ATG2B: variants seen among roughly 807,000 people sequenced by gnomAD.
ATG2B encodes the protein autophagy related 2B.
A neutral mutation model predicts 241.3 loss-of-function variants in ATG2B; 121 were observed. The ratio of observed to expected loss-of-function variants is 0.50; its 90% CI spans 0.43 to 0.58. ATG2B has a LOEUF of 0.58. Ranked by LOEUF, ATG2B falls within the 20% of genes least tolerant of loss-of-function variation. ATG2B has a pLI of 0.00. For synonymous variants in ATG2B, 858 were observed against 876.6 expected (o/e 0.98, Z 0.37); for missense variants, 2,306 against 2,491.6 (o/e 0.93, Z 1.59).
At chr14:96,326,342 T>C (rs972374155) in intron 14 of ATG2B, among the ~76,000 whole-genome samples, 10 of 152,214 alleles carry the variant, frequency 6.6e-5, no homozygotes, top group African/African-American at 2.2e-4. Flanking sequence ...AAATACTCAA[T>C]GTGAAATCAG....
rs1367266436 is a variant in ATG2B, at chr14:96,282,958, G to C, written c.*2797C>G. The C allele has an allele frequency of 2.0e-5, 3 of 152,206 alleles. No individual in the cohort carries two copies. Among genetic ancestry groups the C allele is most frequent in the African/African-American group, 7.2e-5 (3 of 41,442 alleles). 9.4% of individuals were successfully genotyped at this position (152,206 alleles called of 1,614,324 possible). ...TATTGATAAATATATGTACTTAAGC[G>C]AGAATCCAAATCGTACCCAAACTTC... On this transcript the variant is annotated 3_prime_UTR_variant, in exon 42 of 42. Transcript: ENST00000359933.
Position 96,290,861 on chromosome 14 carries a change from G to T in ATG2B, c.5654C>A (p.Pro1885Gln). The change falls in exon 39 of 42, where the codon CCA becomes CAA. Residue 1885 changes from proline to glutamine, a missense_variant. Physicochemically the swap from Pro to Gln is moderately conservative, Grantham distance 76. This residue lies in a region of ATG2B where 379 missense variants were observed against 480.4 expected (regional missense o/e 0.79). Transcript: ENST00000359933. This position sits in a 1 kb window ranked among gnomAD's most constrained non-coding sequence, Gnocchi z 4.4. The stretch of plus-strand genomic sequence containing the variant: ...AGGTCCAACACCTCCCAGGATTCCT[G>T]GTAGCTGGTTCTTCTTAATGTCATT... ...WLNDIKKNQL[P>Q]GILGGVGPMH... 1 of 1,613,942 alleles carries T rather than the reference G, an allele frequency of 6.2e-7. No individual in the cohort carries two copies. Among genetic ancestry groups the T allele is most frequent in the Non-Finnish European group, 8.5e-7 (1 of 1,179,914 alleles).
chr14:96,313,542 T>A, intron 23 of ATG2B, 107 bp from the exon 24 acceptor site: 1 of 529,422 alleles, frequency 1.9e-6, no homozygotes, highest in Non-Finnish European at 3.3e-6. Context: ...AAAAATCATT[T>A]AATTGGAAAA....
At chr14:96,320,235 G>A (rs1218401904) in intron 18 of ATG2B, among the ~76,000 whole-genome samples, 5 of 152,090 alleles carry the variant, frequency 3.3e-5, no homozygotes, top group African/African-American at 7.2e-5. Context: ...TCCTATCAGT[G>A]GAGTTATATA....
At chr14:96,305,420 T>C (rs1886911435) in intron 31 of ATG2B, among the ~76,000 whole-genome samples, 169 bp downstream of exon 31, 1 of 152,244 alleles carries the variant, frequency 6.6e-6, no homozygotes. Flanking sequence ...ATTGGAAAAC[T>C]GTGAGAGTAA....
At position 96,319,515 on chromosome 14, in the gene ATG2B, G is replaced by A. The variant is rs1887405354; in HGVS notation, c.2880-1660C>T. ...TGCTAAAAACAGCCTGTTGACCAAG[G>A]CACTAAAGGAGTAAATCAACATTTT... On this transcript the variant is annotated intron_variant, in intron 18 of 41. Transcript: ENST00000359933. Among the ~76,000 whole-genome samples, 4 of 152,032 alleles carry A rather than the reference G, an allele frequency of 2.6e-5. No homozygotes were observed. In the South Asian group the frequency reaches 8.3e-4, roughly 32 times the overall value.
chr14:96,311,626 T>A lies in ATG2B; in HGVS notation c.3914-8A>T. Reference sequence around the variant, plus strand: ...CCATCACACGAACATAATCTAAAATTTTTAAAATTAAGAAAATCTCTTCAG... The same window carrying A: ...CCATCACACGAACATAATCTAAAATATTTAAAATTAAGAAAATCTCTTCAG... On this transcript the variant is annotated splice_polypyrimidine_tract_variant and splice_region_variant and intron_variant, in intron 26 of 41. Transcript: ENST00000359933. 6.3e-7 allele frequency: 1 copy of A among 1,597,438 alleles called. No homozygotes were observed.
rs1887274302 is a variant in ATG2B at position 96,315,213 on chromosome 14, G to C, written c.3583C>G (p.Leu1195Val). 5.6e-6 allele frequency: 9 copies of C among 1,614,038 alleles called. No individual in the cohort carries two copies. Among genetic ancestry groups the C allele is most frequent in the Non-Finnish European group, 7.6e-6 (9 of 1,179,938 alleles). The change falls in exon 23 of 42, where the codon CTG (leucine) becomes GTG (valine). Residue 1195 changes from leucine to valine, a missense_variant. Transcript: ENST00000359933. Reference sequence around the variant, plus strand: ...CTATGCTGGAGAGTGGCTCCTTTCAGTCCTACGGCAATGAGAAATTCCTAT... The same window carrying C: ...CTATGCTGGAGAGTGGCTCCTTTCACTCCTACGGCAATGAGAAATTCCTAT... ...NTKEFLIAVGLKGATLQHRML... is the reference protein window; with the variant it reads ...NTKEFLIAVGVKGATLQHRML...
intron 2 of ATG2B, among the ~76,000 whole-genome samples, chr14:96,346,068 G>A (rs181480155): frequency 8.6e-4 from 131 of 152,250 alleles, no homozygotes; most frequent in African/African-American, 3.0e-3. Flanking sequence ...GCTAAAAGAA[G>A]AGGTTAATTC....
intron 11 of ATG2B, among the ~76,000 whole-genome samples, chr14:96,330,999 A>T (rs1227270637): frequency 6.6e-6 from 1 of 152,212 alleles, no homozygotes; most frequent in Non-Finnish European, 1.5e-5. Flanking sequence ...TTTATTTTTC[A>T]TCACCACTGT....
chr14:96,289,521 A>G lies in ATG2B; in HGVS notation c.6006+135T>C. ...CATCACCTCACACAGATATGGGCAC[A>G]TGTTATTAGTGGCAGTTGCCATTCT... is the stretch of plus-strand genomic sequence containing the variant. On this transcript the variant is annotated intron_variant, in intron 41 of 41. Transcript: ENST00000359933. The surrounding 1 kb of genome is among the most constrained non-coding windows in gnomAD (Gnocchi z 4.3). 9.6e-7 allele frequency: 1 copy of G among 1,046,764 alleles called. No individual in the cohort carries two copies. Among genetic ancestry groups the G allele is most frequent in the Non-Finnish European group, 1.4e-6 (1 of 712,368 alleles). The allele number at this position is 1,046,764 out of a possible 1,614,324, so 64.8% of individuals were successfully genotyped here. A position where few individuals can be genotyped will look rare whatever the true frequency, so the allele number is the denominator to read the frequency against.
At chr14:96,329,904 T>C (rs537141171) in intron 11 of ATG2B, among the ~76,000 whole-genome samples, 1 of 152,276 alleles carries the variant, frequency 6.6e-6, no homozygotes, top group Admixed American at 6.5e-5. Context: ...GTAAAATATA[T>C]GAAATAGTCT....
intron 12 of ATG2B, among the ~76,000 whole-genome samples, 162 bp downstream of exon 12, chr14:96,329,322 T>C (rs192669837): frequency 1.5e-4 from 23 of 152,320 alleles, no homozygotes; most frequent in African/African-American, 5.5e-4. Context: ...TTGAGTGACA[T>C]TCTTAAATAT....
intron 18 of ATG2B, chr14:96,318,124 T>C (rs1887364587): frequency 3.9e-6 from 1 of 258,392 alleles, no homozygotes; most frequent in Non-Finnish European, 7.3e-6. Context: ...ATTTTACCTA[T>C]GTTATATACA....
intron 14 of ATG2B, among the ~76,000 whole-genome samples, 199 bp downstream of exon 14, chr14:96,328,148 C>A (rs1887632615): frequency 6.6e-6 from 1 of 152,142 alleles, no homozygotes; most frequent in African/African-American, 2.4e-5. Context: ...CATAACATTT[C>A]ATTCAGTGTG....
chr14:96,325,176 CATG>C (rs1887557409), intron 15 of ATG2B, among the ~76,000 whole-genome samples: 1 of 152,160 alleles, frequency 6.6e-6, no homozygotes, highest in Admixed American at 6.5e-5. Flanking sequence ...TTGACTACAA[CATG>C]ATCTTGGTAG....
rs1273880559 is a variant in ATG2B at position 96,283,089 on chromosome 14, GT to G, written c.*2665del. ...AGGAAGAGAAAACGGGGGGTTCCGAGTTAGCTCCATTCAAGAGGAAGACACG... is the reference window on the plus strand; with the variant it reads ...AGGAAGAGAAAACGGGGGGTTCCGAGTAGCTCCATTCAAGAGGAAGACACG... On this transcript the variant is annotated 3_prime_UTR_variant, in exon 42 of 42. Coordinates refer to ENST00000359933, the MANE Select transcript of ATG2B (RefSeq NM_018036.7). 6.6e-6 allele frequency: 1 copy of G among 152,278 alleles called. No homozygotes were observed. Among genetic ancestry groups the G allele is most frequent in the Non-Finnish European group, 1.5e-5 (1 of 68,100 alleles). The allele number at this position is 152,278 out of a possible 1,614,324, so 9.4% of individuals were successfully genotyped here. A position where few individuals can be genotyped will look rare whatever the true frequency, so the allele number is the denominator to read the frequency against.
At chr14:96,362,000 C>T (rs72706803) in intron 1 of ATG2B, among the ~76,000 whole-genome samples, 2,854 of 152,156 alleles carry the variant, frequency 0.019, 46 homozygotes, top group Middle Eastern at 0.027. Context: ...AAGTAAAATG[C>T]TATGCATTGA....
chr14:96,330,453 A>C (rs1457682270), intron 11 of ATG2B, among the ~76,000 whole-genome samples: 1 of 152,112 alleles, frequency 6.6e-6, no homozygotes, highest in Non-Finnish European at 1.5e-5. Flanking sequence ...AAAATTGTAA[A>C]ACAGAGTTTG....
Sources: allele counts gnomAD v4.1 joint callset (sites outside exome capture counted in the v4.1 genomes callset), GRCh38; gene constraint gnomAD v4.1.1; regional missense constraint gnomAD v4.1.1; non-coding constraint Gnocchi (gnomAD v3.1); transcripts MANE v1.5; gene names NCBI Gene and HGNC (gene_info 2026-07-23, HGNC 2026-07-21).